Variants in WDFY4 observed in about 807,000 individuals in gnomAD.
WDFY4 encodes WDFY family member 4.
WDFY4 carries 169 observed loss-of-function variants against 351.9 expected under a neutral mutation model. That is an observed-to-expected ratio of 0.48 (90% CI 0.42 to 0.55). The LOEUF is 0.55. WDFY4 is among the 20% of genes least tolerant of loss of function. WDFY4 has a pLI of 0.00. For missense variants in WDFY4, 3,803 were observed against 3,935.6 expected, an observed-to-expected ratio of 0.97 and a Z score of 0.90; for synonymous variants, 1,622 against 1,574.6, an observed-to-expected ratio of 1.03 and a Z score of -0.71.
chr10:48,705,236 C>G (rs1329352821), intron 1 of WDFY4, among the ~76,000 whole-genome samples: 1 of 152,202 alleles, frequency 6.6e-6, no homozygotes, highest in Non-Finnish European at 1.5e-5. Context: ...AGGTTTGGAT[C>G]CTGTTTTTAT....
intron 13 of WDFY4, among the ~76,000 whole-genome samples, chr10:48,774,043 C>T (rs895829704): frequency 6.6e-6 from 1 of 152,216 alleles, no homozygotes; most frequent in African/African-American, 2.4e-5. Context: ...ATCGTCCCAT[C>T]TTTTGAGAGA....
At chr10:48,754,598 T>C (rs2065278202) in intron 12 of WDFY4, among the ~76,000 whole-genome samples, 1 of 151,496 alleles carries the variant, frequency 6.6e-6, no homozygotes, top group African/African-American at 2.4e-5. Context: ...ATATGTTATA[T>C]TATACACAAT....
At chr10:48,730,319 T>C (rs1019737298) in intron 8 of WDFY4, among the ~76,000 whole-genome samples, 31 of 152,190 alleles carry the variant, frequency 2.0e-4, no homozygotes, top group Non-Finnish European at 3.7e-4. Flanking sequence ...GCTGCAGTGC[T>C]GCAGAGTTCA....
chr10:48,913,493 C>G (rs781345560), intron 47 of WDFY4: 3 of 1,613,930 alleles, frequency 1.9e-6, no homozygotes, highest in African/African-American at 2.7e-5. Flanking sequence ...TGATTCTATT[C>G]AGGTTGTCCC....
At chr10:48,890,812 T>A (rs2070664979) in intron 44 of WDFY4, 85 bp downstream of exon 44, 7 of 1,518,528 alleles carry the variant, frequency 4.6e-6, no homozygotes, top group Non-Finnish European at 5.3e-6. Flanking sequence ...CTTCTCACCT[T>A]GTTCTTACAG....
At position 48,863,331 on chromosome 10, in the gene WDFY4, T is replaced by G. The variant is rs186141296; in HGVS notation, c.6664-3934T>G. Among the ~76,000 whole-genome samples, 307 of 152,328 alleles carry G rather than the reference T, an allele frequency of 2.0e-3. 1 individual carries two copies. The highest frequency in any genetic ancestry group is 6.2e-3 in the African/African-American group (259 of 41,566). On this transcript the variant is annotated intron_variant, in intron 39 of 61. Transcript: ENST00000325239. ...ACCAACAGTGTATGAGAGTTTCTAT[T>G]TATCCATACTCTCAATAAAACTTGT...
chr10:48,843,251 A>G (rs114576980), intron 39 of WDFY4, among the ~76,000 whole-genome samples: 1,621 of 152,336 alleles, frequency 0.011, 28 homozygotes, highest in African/African-American at 0.037. Flanking sequence ...TTTCTCCTCT[A>G]TAATGACTTA....
intron 2 of WDFY4, among the ~76,000 whole-genome samples, chr10:48,715,918 GGTTTACAGGT>G (rs2063894932): frequency 6.6e-6 from 1 of 151,706 alleles, no homozygotes; most frequent in East Asian, 1.9e-4. Flanking sequence ...CAAAGTGCTG[GGTTTACAGGT>G]GTGAGCCACC....
Position 48,787,896 on chromosome 10 carries a change from T to C in WDFY4, c.3809-634T>C, listed in dbSNP as rs866376495. ...CTTCTTTCTTTCTTCTTCTTCTCCTTCTTCTTCTTCTTCTTCTTCTTCTTC... is the reference window on the plus strand; with the variant it reads ...CTTCTTTCTTTCTTCTTCTTCTCCTCCTTCTTCTTCTTCTTCTTCTTCTTC... On this transcript the variant is annotated intron_variant, in intron 20 of 61. Coordinates refer to ENST00000325239, the MANE Select transcript of WDFY4 (RefSeq NM_001394531.1). 8.6e-4 allele frequency among the ~76,000 whole-genome samples: 22 copies of C among 25,716 alleles called. 1 individual carries two copies. Among genetic ancestry groups the C allele is most frequent in the African/African-American group, 3.7e-3 (20 of 5,384 alleles). 16.9% of individuals were successfully genotyped at this position (25,716 alleles called of 152,430 possible).
intron 25 of WDFY4, 144 bp from the exon 26 acceptor site, chr10:48,805,116 C>A (rs542301083): frequency 4.1e-6 from 4 of 985,994 alleles, no homozygotes; most frequent in Middle Eastern, 2.7e-4. Context: ...GGGTGTCTGA[C>A]GGCATCTTGA....
intron 57 of WDFY4, 54 bp downstream of exon 57, chr10:48,970,343 A>G: frequency 6.5e-7 from 1 of 1,531,478 alleles, no homozygotes; most frequent in Non-Finnish European, 8.8e-7. Flanking sequence ...TACTTCATGT[A>G]GGGACAAAAC....
At chr10:48,976,607 C>T in intron 58 of WDFY4, 190 bp from the exon 59 acceptor site, 1 of 427,570 alleles carries the variant, frequency 2.3e-6, no homozygotes, top group Non-Finnish European at 3.9e-6. Flanking sequence ...TGAAAAGAAC[C>T]AAGAATTTAC....
At chr10:48,902,769 T>C (rs1837421461) in intron 47 of WDFY4, among the ~76,000 whole-genome samples, 1 of 151,858 alleles carries the variant, frequency 6.6e-6, no homozygotes, top group South Asian at 2.1e-4. Flanking sequence ...GGCATTGAAA[T>C]CTTAGATGAG....
At chr10:48,841,044 T>C (rs1037388997) in intron 39 of WDFY4, among the ~76,000 whole-genome samples, 2 of 152,232 alleles carry the variant, frequency 1.3e-5, no homozygotes, top group Non-Finnish European at 2.9e-5. Context: ...TTTGATTTCT[T>C]AGGAAGTAAT....
At chr10:48,757,563 T>A (rs141215064) in intron 12 of WDFY4, among the ~76,000 whole-genome samples, 96 of 152,174 alleles carry the variant, frequency 6.3e-4, no homozygotes, top group Middle Eastern at 3.4e-3. Context: ...CTGACAATAG[T>A]GTCTATCAGT....
At chr10:48,846,382 G>A (rs564864950) in intron 39 of WDFY4, among the ~76,000 whole-genome samples, 30 of 152,300 alleles carry the variant, frequency 2.0e-4, no homozygotes, top group African/African-American at 6.5e-4. Flanking sequence ...GCTGTGAGCC[G>A]GTGTGGCCTC....
At chr10:48,917,724 G>T (rs565058599) in intron 47 of WDFY4, among the ~76,000 whole-genome samples, 1 of 152,320 alleles carries the variant, frequency 6.6e-6, no homozygotes, top group African/African-American at 2.4e-5. Flanking sequence ...TGCTGTAAAA[G>T]AAATGTCCAA....
chr10:48,685,383 G>A (rs2063015072), intron 1 of WDFY4, among the ~76,000 whole-genome samples: 1 of 152,206 alleles, frequency 6.6e-6, no homozygotes, highest in African/African-American at 2.4e-5. Context: ...GTTGTCGAGG[G>A]GGCGGAGAGA....
Position 48,761,465 on chromosome 10 carries a change from A to C in WDFY4, c.2553+1025A>C, listed in dbSNP as rs187764442. Among the ~76,000 whole-genome samples, 11 of 152,282 alleles carry C rather than the reference A, an allele frequency of 7.2e-5. No homozygotes were observed. In the East Asian group the frequency reaches 1.2e-3, roughly 16 times the overall value. ...TGTGATGTGTGGTGATAGCTGGATT[A>C]GGGTGGTGTCTGTGAGAAGGTGTGA... is the stretch of plus-strand genomic sequence containing the variant. On this transcript the variant is annotated intron_variant, in intron 13 of 61. Transcript: ENST00000325239.
Sources: allele counts gnomAD v4.1 joint callset (sites outside exome capture counted in the v4.1 genomes callset), GRCh38; gene constraint gnomAD v4.1.1; transcripts MANE v1.5; gene names NCBI Gene and HGNC (gene_info 2026-07-23, HGNC 2026-07-21).